MSRA: variants seen among roughly 807,000 people sequenced by gnomAD.
MSRA encodes methionine sulfoxide reductase A.
In MSRA, 54 loss-of-function variants were observed where a neutral mutation model predicts 31.3. The ratio of observed to expected loss-of-function variants is 1.73; its 90% CI spans 1.39 to 2.17. The LOEUF (loss-of-function observed/expected upper bound fraction) is 2.17, where lower values mean the gene tolerates loss of function less well. Ranked by LOEUF, MSRA falls within the 30% of genes most tolerant of loss-of-function variation. MSRA has a pLI of 0.00. For missense variants in MSRA, 507 were observed against 300.9 expected, an observed-to-expected ratio of 1.69 and a Z score of -5.07; for synonymous variants, 169 against 116.5, an observed-to-expected ratio of 1.45 and a Z score of -2.90.
intron 5 of MSRA, among the ~76,000 whole-genome samples, chr8:10,390,373 G>A (rs1434845246): frequency 2.6e-5 from 4 of 152,078 alleles, no homozygotes; most frequent in African/African-American, 7.2e-5. Context: ...CTGGAGTCGC[G>A]TGGTCGCCAG....
chr8:10,163,616 G>A (rs1804860242), intron 1 of MSRA, among the ~76,000 whole-genome samples: 1 of 150,864 alleles, frequency 6.6e-6, no homozygotes, highest in South Asian at 2.1e-4. Flanking sequence ...GAAGATGCAA[G>A]ATGAAATGTG....
At chr8:10,346,926 G>T (rs1382693509) in intron 5 of MSRA, among the ~76,000 whole-genome samples, 1 of 152,152 alleles carries the variant, frequency 6.6e-6, no homozygotes, top group Non-Finnish European at 1.5e-5. Flanking sequence ...TTTTTATATA[G>T]TCAGACTAGT....
intron 1 of MSRA, among the ~76,000 whole-genome samples, chr8:10,089,064 G>A (rs1037061950): frequency 6.6e-6 from 1 of 152,014 alleles, no homozygotes; most frequent in Non-Finnish European, 1.5e-5. Flanking sequence ...GAGATCTAAT[G>A]TACATCATGA....
intron 1 of MSRA, among the ~76,000 whole-genome samples, chr8:10,137,832 T>TC (rs1438020221): frequency 1.3e-5 from 2 of 152,174 alleles, no homozygotes. Flanking sequence ...GCTATAGGGA[T>TC]CCCTTAAGTA....
chr8:10,272,271 G>C (rs1159200432), intron 3 of MSRA, among the ~76,000 whole-genome samples: 1 of 152,154 alleles, frequency 6.6e-6, no homozygotes, highest in Non-Finnish European at 1.5e-5. Context: ...AATTGGCTCA[G>C]GATTGGCTCA....
At chr8:10,106,841 C>A (rs974822898) in intron 1 of MSRA, among the ~76,000 whole-genome samples, 5 of 152,006 alleles carry the variant, frequency 3.3e-5, no homozygotes, top group Middle Eastern at 3.4e-3. Context: ...ACTCACACAC[C>A]CACCCACCTA....
At chr8:10,073,901 G>T (rs1051835512) in intron 1 of MSRA, among the ~76,000 whole-genome samples, 3 of 151,602 alleles carry the variant, frequency 2.0e-5, no homozygotes, top group African/African-American at 7.3e-5. Flanking sequence ...TTGATTCTCT[G>T]ACTGTTCCTA....
At chr8:10,268,838 C>A (rs4260895) in intron 3 of MSRA, among the ~76,000 whole-genome samples, 114,458 of 152,202 alleles carry the variant, frequency 0.75, 43,238 homozygotes, top group East Asian at 0.95. Flanking sequence ...GAAGAGAATG[C>A]TTTCCTGTTA....
intron 1 of MSRA, among the ~76,000 whole-genome samples, chr8:10,135,187 C>G (rs1350145037): frequency 6.6e-6 from 1 of 152,202 alleles, no homozygotes; most frequent in Non-Finnish European, 1.5e-5. Flanking sequence ...GTAAAAAGTC[C>G]TATATAAGCA....
intron 3 of MSRA, among the ~76,000 whole-genome samples, chr8:10,280,374 A>ATTC (rs10656114): frequency 6.7e-6 from 1 of 150,314 alleles, no homozygotes. Flanking sequence ...AATTAATTCA[A>ATTC]GTTATAGATT....
chr8:10,270,487 G>A (rs1280046687), intron 3 of MSRA, among the ~76,000 whole-genome samples: 2 of 151,762 alleles, frequency 1.3e-5, no homozygotes, highest in Non-Finnish European at 2.9e-5. Context: ...GTAATACAAA[G>A]AAAGAGAGTT....
intron 1 of MSRA, among the ~76,000 whole-genome samples, chr8:10,121,813 G>A (rs1228106719): frequency 2.6e-5 from 4 of 151,070 alleles, no homozygotes; most frequent in Non-Finnish European, 5.9e-5. Flanking sequence ...TGGAACTACA[G>A]GTGCACACCA....
chr8:10,190,300 C>T, intron 1 of MSRA, among the ~76,000 whole-genome samples: 1 of 152,182 alleles, frequency 6.6e-6, no homozygotes, highest in East Asian at 1.9e-4. Flanking sequence ...TTCTGCAGCC[C>T]TCCCCACAGG....
intron 1 of MSRA, among the ~76,000 whole-genome samples, chr8:10,076,194 T>G (rs1463773690): frequency 1.3e-5 from 2 of 152,252 alleles, no homozygotes; most frequent in East Asian, 3.9e-4. Flanking sequence ...GAACCTAGAA[T>G]GGTACCTGGC....
At chr8:10,157,476 G>A (rs1420563403) in intron 1 of MSRA, among the ~76,000 whole-genome samples, 1 of 152,150 alleles carries the variant, frequency 6.6e-6, no homozygotes, top group Admixed American at 6.5e-5. Flanking sequence ...TACTGTGGCA[G>A]AAGCAAGTTC....
At chr8:10,240,294 T>C (rs1365142382) in intron 2 of MSRA, among the ~76,000 whole-genome samples, 1 of 152,168 alleles carries the variant, frequency 6.6e-6, no homozygotes, top group Non-Finnish European at 1.5e-5. Flanking sequence ...TTTGGACATT[T>C]GGTGGTGGCA....
chr8:10,304,718 G>A (rs1052942012), intron 4 of MSRA, among the ~76,000 whole-genome samples: 7 of 152,274 alleles, frequency 4.6e-5, no homozygotes, highest in African/African-American at 1.7e-4. Context: ...AACCTGTCAC[G>A]TTTCACAGTA....
chr8:10,411,630 G>T (rs1368870995), intron 5 of MSRA: 2 of 152,210 alleles, frequency 1.3e-5, no homozygotes, highest in African/African-American at 2.4e-5. Context: ...GATGTAACCT[G>T]CCCTAGGGCA....
chr8:10,253,358 A>C (rs959163340), intron 3 of MSRA, among the ~76,000 whole-genome samples: 5 of 152,156 alleles, frequency 3.3e-5, no homozygotes, highest in African/African-American at 1.2e-4. Flanking sequence ...TGGCTGTTCA[A>C]CTCACGTCTC....
Sources: gnomAD v4.1 joint callset for allele counts (sites outside exome capture counted in the v4.1 genomes callset) on GRCh38, gnomAD v4.1.1 for gene constraint, MANE v1.5 for transcripts, NCBI Gene and HGNC (gene_info 2026-07-23, HGNC 2026-07-21) for gene names.